CHCHD6: variants seen among roughly 807,000 people sequenced by gnomAD.
The protein encoded by CHCHD6 is coiled-coil-helix-coiled-coil-helix domain containing 6.
CHCHD6 carries 28 observed loss-of-function variants against 32.3 expected under a neutral mutation model. That is an observed-to-expected ratio of 0.87 (90% CI 0.64 to 1.19). The LOEUF (loss-of-function observed/expected upper bound fraction) is 1.19. CHCHD6 is among the 50% of genes most tolerant of loss of function. The probability of loss-of-function intolerance (pLI) is 0.00; values close to 1 mark genes in which losing one functional copy is unlikely to be tolerated. For synonymous variants in CHCHD6, 122 were observed against 117.5 expected, an observed-to-expected ratio of 1.04 and a Z score of -0.25; for missense variants, 333 against 307.0, an observed-to-expected ratio of 1.08 and a Z score of -0.63.
intron 1 of CHCHD6, among the ~76,000 whole-genome samples, chr3:126,714,679 C>T (rs563535920): frequency 3.2e-4 from 48 of 152,178 alleles, no homozygotes; most frequent in Non-Finnish European, 4.9e-4. Flanking sequence ...CCCTGCCTGC[C>T]TGCTGTAGGC....
intron 4 of CHCHD6, among the ~76,000 whole-genome samples, chr3:126,819,069 ATGGGTGACAGACACT>A (rs1940039334): frequency 6.6e-6 from 1 of 152,114 alleles, no homozygotes; most frequent in African/African-American, 2.4e-5. Flanking sequence ...CATGCATTCT[ATGGGTGACAGACACT>A]TGCTTCCTTT....
At chr3:126,910,185 G>A (rs1445101276) in intron 5 of CHCHD6, among the ~76,000 whole-genome samples, 4 of 150,440 alleles carry the variant, frequency 2.7e-5, no homozygotes, top group African/African-American at 9.7e-5. Context: ...GCTCTGAGGT[G>A]GAGAGATAGC....
intron 4 of CHCHD6, among the ~76,000 whole-genome samples, chr3:126,828,741 C>G (rs1307328508): frequency 1.3e-5 from 2 of 152,206 alleles, no homozygotes. Context: ...AGTCCAGGGT[C>G]TACCTGCCTT....
At chr3:126,863,698 ACCT>A (rs1341617705) in intron 5 of CHCHD6, among the ~76,000 whole-genome samples, 1 of 95,270 alleles carries the variant, frequency 1.0e-5, no homozygotes, top group East Asian at 3.4e-4. Context: ...CACCATCACC[ACCT>A]CCTCCTCCTC....
At chr3:126,777,841 A>G (rs1283639810) in intron 4 of CHCHD6, among the ~76,000 whole-genome samples, 1 of 152,222 alleles carries the variant, frequency 6.6e-6, no homozygotes, top group Non-Finnish European at 1.5e-5. Flanking sequence ...TAGTATATTC[A>G]TAGAGTTGTA....
At chr3:126,704,957 G>T (rs1407307878) in intron 1 of CHCHD6, among the ~76,000 whole-genome samples, 2 of 151,958 alleles carry the variant, frequency 1.3e-5, no homozygotes, top group Non-Finnish European at 2.9e-5. Context: ...GCTGCCCGTC[G>T]ACCTCTGGGG....
intron 4 of CHCHD6, among the ~76,000 whole-genome samples, chr3:126,733,594 T>C (rs1461158758): frequency 6.6e-6 from 1 of 152,168 alleles, no homozygotes; most frequent in Non-Finnish European, 1.5e-5. Flanking sequence ...CCTGGAGCCA[T>C]GTAATATATG....
chr3:126,958,780 G>C (rs992364651), intron 7 of CHCHD6, among the ~76,000 whole-genome samples: 2 of 152,184 alleles, frequency 1.3e-5, no homozygotes, highest in African/African-American at 2.4e-5. Context: ...AGGATGGAAG[G>C]CTGCTCACTC....
At chr3:126,836,113 C>A in intron 4 of CHCHD6, among the ~76,000 whole-genome samples, 1 of 152,232 alleles carries the variant, frequency 6.6e-6, no homozygotes. Flanking sequence ...GCTCAGAGCT[C>A]TCCAGTGGCC....
intron 4 of CHCHD6, among the ~76,000 whole-genome samples, chr3:126,826,091 T>A (rs1217954515): frequency 1.3e-5 from 2 of 152,238 alleles, no homozygotes; most frequent in African/African-American, 2.4e-5. Flanking sequence ...TCCCCCTTCA[T>A]CAAATGAAGT....
rs200338657 is a variant in CHCHD6 at position 126,852,687 on chromosome 3, G to A, written c.452G>A (p.Arg151His). Residue 151 changes from arginine to histidine, a missense_variant, in exon 5 of 8, where the codon CGT becomes CAT. Physicochemically the swap from Arg to His is conservative, Grantham distance 29. Transcript: ENST00000290913. ...AGCAGAGAGGCAGAGCTAAGACGCC[G>A]TGACACCTTCTACAAGGAGCAGCTG... ...LESREAELRRRDTFYKEQLER... is the reference protein window; with the variant it reads ...LESREAELRRHDTFYKEQLER... The A allele has an allele frequency of 1.1e-4, 172 of 1,613,626 alleles. No homozygotes were observed. Among genetic ancestry groups the A allele is most frequent in the East Asian group, 9.6e-4 (43 of 44,864 alleles).
At chr3:126,783,430 G>A (rs1938047843) in intron 4 of CHCHD6, among the ~76,000 whole-genome samples, 1 of 152,110 alleles carries the variant, frequency 6.6e-6, no homozygotes, top group Non-Finnish European at 1.5e-5. Flanking sequence ...ATTCAACACA[G>A]GGCTCGAAGT....
At chr3:126,957,791 G>T in intron 7 of CHCHD6, 1 of 590,704 alleles carries the variant, frequency 1.7e-6, no homozygotes, top group Non-Finnish European at 3.0e-6. Flanking sequence ...TGTTGCGTTT[G>T]CCCTATTAGG....
intron 4 of CHCHD6, among the ~76,000 whole-genome samples, chr3:126,733,527 A>T (rs891415079): frequency 1.3e-5 from 2 of 152,176 alleles, no homozygotes; most frequent in African/African-American, 4.8e-5. Context: ...AACTTCACAG[A>T]TGTCAGGGCT....
chr3:126,942,495 G>C (rs2078574377), intron 6 of CHCHD6, among the ~76,000 whole-genome samples: 1 of 152,104 alleles, frequency 6.6e-6, no homozygotes, highest in African/African-American at 2.4e-5. Flanking sequence ...ATTTGGTTAT[G>C]TTAGTAAGGA....
chr3:126,738,979 A>G (rs1936174980), intron 4 of CHCHD6, among the ~76,000 whole-genome samples: 1 of 152,226 alleles, frequency 6.6e-6, no homozygotes, highest in Non-Finnish European at 1.5e-5. Context: ...ACATTCAGCC[A>G]AGGCAGTCCT....
intron 1 of CHCHD6, among the ~76,000 whole-genome samples, chr3:126,710,941 G>A (rs965844350): frequency 6.6e-6 from 1 of 151,986 alleles, no homozygotes; most frequent in African/African-American, 2.4e-5. Context: ...CTTTGGCTAG[G>A]ATCTCCAGTA....
chr3:126,948,296 G>A (rs553590733), intron 6 of CHCHD6, among the ~76,000 whole-genome samples: 8 of 152,350 alleles, frequency 5.3e-5, no homozygotes, highest in South Asian at 2.1e-4. Context: ...GTCCAGTCTC[G>A]CCCTCAGGCT....
intron 4 of CHCHD6, among the ~76,000 whole-genome samples, chr3:126,765,305 C>T (rs1003548870): frequency 2.0e-5 from 3 of 151,974 alleles, no homozygotes; most frequent in East Asian, 2.0e-4. Context: ...CCAGAGCTGT[C>T]GCCTCTCTTG....
Sources: gnomAD v4.1 joint callset for allele counts (sites outside exome capture counted in the v4.1 genomes callset) on GRCh38, gnomAD v4.1.1 for gene constraint, MANE v1.5 for transcripts, NCBI Gene and HGNC (gene_info 2026-07-23, HGNC 2026-07-21) for gene names.